The following USP34 variants were observed in gnomAD, a reference collection of about 807,000 sequenced individuals.
USP34 encodes ubiquitin carboxyl-terminal hydrolase 34.
A neutral mutation model predicts 460.3 loss-of-function variants in USP34; 70 were observed. The ratio of observed to expected loss-of-function variants is 0.15; its 90% CI spans 0.13 to 0.19. The LOEUF (loss-of-function observed/expected upper bound fraction) is 0.19. Among genes scored for constraint, USP34 ranks in the 10% least tolerant of loss-of-function variants. The probability of loss-of-function intolerance (pLI) is 1.00; values close to 1 mark genes in which losing one functional copy is unlikely to be tolerated. For missense variants in USP34, 3,985 were observed against 4,236.2 expected, an observed-to-expected ratio of 0.94 and a Z score of 1.65; for synonymous variants, 1,647 against 1,405.3, an observed-to-expected ratio of 1.17 and a Z score of -3.85.
chr2:61,413,267 G>A (rs1694096264), intron 2 of USP34, among the ~76,000 whole-genome samples: 1 of 152,166 alleles, frequency 6.6e-6, no homozygotes, highest in African/African-American at 2.4e-5. Context: ...GGTGGCATGT[G>A]CCTGTAGCTC....
intron 62 of USP34, 190 bp downstream of exon 62, chr2:61,226,877 A>C: frequency 1.5e-6 from 1 of 682,188 alleles, no homozygotes. Flanking sequence ...AAAAACTGAA[A>C]TTCTTATGCC....
chr2:61,277,628 A>G (rs970438567), intron 41 of USP34: 9 of 152,348 alleles, frequency 5.9e-5, no homozygotes, highest in East Asian at 1.9e-4. Flanking sequence ...CCAGAATTCA[A>G]TTTATTCAAA....
At position 61,395,236 on chromosome 2, in the gene USP34, A is replaced by T; in HGVS notation, c.553-3T>A. 1 of 1,448,546 alleles carries T rather than the reference A, an allele frequency of 6.9e-7. No individual in the cohort carries two copies. The highest frequency in any genetic ancestry group is 9.5e-7 in the Non-Finnish European group (1 of 1,051,384). 89.7% of individuals were successfully genotyped at this position (1,448,546 alleles called of 1,614,324 possible). ...TTACTTTCTTGAGTTGATATATCCTAATTAAAAAAAAAAAAGCAAGTAAAA... is the reference window on the plus strand; with the variant it reads ...TTACTTTCTTGAGTTGATATATCCTTATTAAAAAAAAAAAAGCAAGTAAAA... On this transcript the variant is annotated splice_polypyrimidine_tract_variant and splice_region_variant and intron_variant, in intron 3 of 79. Transcript: ENST00000398571.
chr2:61,373,909 C>T (rs989288002), intron 8 of USP34, among the ~76,000 whole-genome samples: 1 of 152,140 alleles, frequency 6.6e-6, no homozygotes, highest in Non-Finnish European at 1.5e-5. Flanking sequence ...AATCCCAGCA[C>T]TTTGGGAGGC....
At chr2:61,220,514 T>C in intron 66 of USP34, 57 bp from the exon 67 acceptor site, 4 of 1,489,888 alleles carry the variant, frequency 2.7e-6, no homozygotes, top group Non-Finnish European at 3.6e-6. Context: ...CAATTACTTT[T>C]ACTTACTTTT....
At chr2:61,450,769 A>T (rs1695247010) in intron 1 of USP34, among the ~76,000 whole-genome samples, 2 of 152,124 alleles carry the variant, frequency 1.3e-5, no homozygotes, top group African/African-American at 2.4e-5. Flanking sequence ...AAAATTATGT[A>T]AAAATGGGAA....
At chr2:61,355,919 C>T (rs898816699) in intron 10 of USP34, among the ~76,000 whole-genome samples, 82 of 152,042 alleles carry the variant, frequency 5.4e-4, no homozygotes, top group Non-Finnish European at 1.8e-4. Flanking sequence ...AAAAGATATT[C>T]CACGCAAATA....
At chr2:61,326,647 T>C (rs1307609749) in intron 20 of USP34, among the ~76,000 whole-genome samples, 4 of 152,084 alleles carry the variant, frequency 2.6e-5, no homozygotes, top group African/African-American at 9.7e-5. Context: ...AAGTCAATAA[T>C]AAGCTATTAT....
intron 58 of USP34, among the ~76,000 whole-genome samples, chr2:61,230,907 A>C (rs1687876605): frequency 6.6e-6 from 1 of 152,092 alleles, no homozygotes; most frequent in Non-Finnish European, 1.5e-5. Flanking sequence ...AACATACACA[A>C]AGAAGTGACA....
intron 1 of USP34, among the ~76,000 whole-genome samples, chr2:61,465,189 A>G (rs1695725142): frequency 1.3e-5 from 2 of 152,108 alleles, no homozygotes. Flanking sequence ...ATTATATTTA[A>G]AAAGGGTGGG....
chr2:61,389,860 A>C (rs1480738672), intron 5 of USP34, among the ~76,000 whole-genome samples: 1 of 152,128 alleles, frequency 6.6e-6, no homozygotes, highest in Non-Finnish European at 1.5e-5. Flanking sequence ...AATAGGGAAA[A>C]AAAGAAAAAA....
chr2:61,188,659 C>G lies in USP34; in HGVS notation c.10084G>C (p.Glu3362Gln). ...IKRRRVSSDE[E>Q]HTVDSCISDM... ...CTGATGCAGCTGTCTACAGTGTGCT[C>G]CTCATCACTGCTAACACGCCGCCTT... Residue 3362 changes from glutamate (E) to glutamine (Q), a missense_variant, in exon 80 of 80, where the codon GAG (glutamate) becomes CAG (glutamine). Glu to Gln is a conservative substitution (Grantham distance 29). Coordinates refer to ENST00000398571, the MANE Select transcript of USP34 (RefSeq NM_014709.4). 6.2e-7 allele frequency: 1 copy of G among 1,614,094 alleles called. No homozygotes were observed. Among genetic ancestry groups the G allele is most frequent in the Non-Finnish European group, 8.5e-7 (1 of 1,180,002 alleles).
chr2:61,225,583 TA>T (rs903285516), intron 62 of USP34, among the ~76,000 whole-genome samples: 44 of 148,664 alleles, frequency 3.0e-4, no homozygotes, highest in African/African-American at 8.4e-4. Context: ...TGGAAACCAT[TA>T]AAAAAAAAAG....
Position 61,203,003 on chromosome 2 carries a change from C to T in USP34, c.9508+137G>A, listed in dbSNP as rs928053180. 9.4e-6 allele frequency: 9 copies of T among 956,096 alleles called. No homozygotes were observed. The Admixed American group carries it at 9.6e-5, about 10-fold the overall frequency. 59.2% of individuals were successfully genotyped at this position (956,096 alleles called of 1,614,324 possible). Reference sequence around the variant, plus strand: ...TTTTCTTAATGAAAATTAAAATGTTCCCAAGAATATTAATATTTTTAAGCA... The same window carrying T: ...TTTTCTTAATGAAAATTAAAATGTTTCCAAGAATATTAATATTTTTAAGCA... On this transcript the variant is annotated intron_variant, in intron 75 of 79. Transcript: ENST00000398571.
chr2:61,350,152 C>T, intron 12 of USP34, 108 bp downstream of exon 12: 2 of 1,249,270 alleles, frequency 1.6e-6, no homozygotes, highest in Non-Finnish European at 2.2e-6. Flanking sequence ...CTACCCATCC[C>T]ACACTTATTT....
chr2:61,328,663 G>A (rs923535478), intron 20 of USP34, among the ~76,000 whole-genome samples: 2 of 152,158 alleles, frequency 1.3e-5, no homozygotes, highest in Admixed American at 1.3e-4. Context: ...CATCTCCAAG[G>A]AGCCCTACTC....
At chr2:61,267,556 C>T (rs925179146) in intron 41 of USP34, among the ~76,000 whole-genome samples, 3 of 151,914 alleles carry the variant, frequency 2.0e-5, no homozygotes, top group African/African-American at 4.8e-5. Context: ...GATTCTCCTG[C>T]CTCAGCCTCC....
At chr2:61,278,510 T>C in intron 39 of USP34, 67 bp from the exon 40 acceptor site, 1 of 1,227,082 alleles carries the variant, frequency 8.1e-7, no homozygotes, top group Non-Finnish European at 1.1e-6. Context: ...ATAAAATTAT[T>C]AAAATCATTT....
chr2:61,327,422 G>T (rs1279388040), intron 20 of USP34, among the ~76,000 whole-genome samples: 1 of 152,140 alleles, frequency 6.6e-6, no homozygotes, highest in East Asian at 1.9e-4. Context: ...GCTCTTAAGG[G>T]CTTCTAGGCT....
Sources: allele counts gnomAD v4.1 joint callset (sites outside exome capture counted in the v4.1 genomes callset), GRCh38; gene constraint gnomAD v4.1.1; transcripts MANE v1.5; gene names NCBI Gene and HGNC (gene_info 2026-07-23, HGNC 2026-07-21).